The following CALD1 variants were observed in gnomAD, a reference collection of about 807,000 sequenced individuals.
The protein encoded by CALD1 is caldesmon 1.
Under a neutral mutation model 99.9 loss-of-function variants are expected in CALD1, and 33 were observed. That is an observed-to-expected ratio of 0.33 (90% CI 0.25 to 0.44). The LOEUF is 0.44. CALD1 is among the 20% of genes least tolerant of loss of function. CALD1 has a pLI of 1.00. For synonymous variants in CALD1, 310 were observed against 325.0 expected, an observed-to-expected ratio of 0.95 and a Z score of 0.50; for missense variants, 861 against 962.1, an observed-to-expected ratio of 0.89 and a Z score of 1.39.
intron 1 of CALD1, among the ~76,000 whole-genome samples, chr7:134,766,697 G>A (rs1162657651): frequency 6.6e-6 from 1 of 152,148 alleles, no homozygotes; most frequent in African/African-American, 2.4e-5. Flanking sequence ...CTGGGAGGAT[G>A]CCCATGTTTA....
At chr7:134,950,093 A>G (rs1807220842) in intron 8 of CALD1, among the ~76,000 whole-genome samples, 1 of 152,246 alleles carries the variant, frequency 6.6e-6, no homozygotes, top group Non-Finnish European at 1.5e-5. Context: ...AAAAATGAGT[A>G]CTATTGTTAT....
At chr7:134,812,865 G>A (rs940038195) in intron 1 of CALD1, among the ~76,000 whole-genome samples, 6 of 152,124 alleles carry the variant, frequency 3.9e-5, no homozygotes, top group Non-Finnish European at 5.9e-5. Flanking sequence ...GAGACAAGAC[G>A]AGACCAAGCC....
intron 3 of CALD1, among the ~76,000 whole-genome samples, chr7:134,873,165 C>T (rs1413956337): frequency 6.6e-6 from 1 of 151,428 alleles, no homozygotes; most frequent in East Asian, 1.9e-4. Context: ...ACAAGCTGGG[C>T]GACAGAGCAA....
At chr7:134,912,100 GA>G (rs935108113) in intron 3 of CALD1, among the ~76,000 whole-genome samples, 8 of 152,064 alleles carry the variant, frequency 5.3e-5, no homozygotes, top group African/African-American at 1.9e-4. Context: ...GAAGTTGAAA[GA>G]AAAAGAAAGA....
intron 9 of CALD1, among the ~76,000 whole-genome samples, chr7:134,952,066 C>T (rs528566161): frequency 3.9e-5 from 6 of 152,158 alleles, no homozygotes; most frequent in South Asian, 2.1e-4. Context: ...TTTGGGAGGC[C>T]GAGGTGGATG....
chr7:134,840,182 A>C (rs1799596487), intron 1 of CALD1, among the ~76,000 whole-genome samples: 1 of 152,232 alleles, frequency 6.6e-6, no homozygotes, highest in Admixed American at 6.5e-5. Context: ...TTTCACATTT[A>C]GATCCACAAT....
upstream of CALD1, among the ~76,000 whole-genome samples, chr7:134,777,866 C>T (rs1040268966): frequency 3.3e-5 from 5 of 152,190 alleles, no homozygotes; most frequent in Non-Finnish European, 5.9e-5. Flanking sequence ...TATGGGATGT[C>T]CCCATCAGCA....
In CALD1 at chr7:134,805,949, T is replaced by C. The variant is rs1299633917; in HGVS notation, c.-130+26200T>C. On this transcript the variant is annotated intron_variant, in intron 1 of 14. Coordinates refer to ENST00000361675, the MANE Select transcript of CALD1 (RefSeq NM_033138.4). ...CCAATTTTTGTATTTTTAGTAGAGATAGGGTTTCCCCATGTTGGCCAGGCT... is the reference window on the plus strand; with the variant it reads ...CCAATTTTTGTATTTTTAGTAGAGACAGGGTTTCCCCATGTTGGCCAGGCT... Among the ~76,000 whole-genome samples the C allele has an allele frequency of 3.3e-5, 5 of 152,060 alleles. No homozygotes were observed. The East Asian group carries it at 7.7e-4, about 23-fold the overall frequency.
intron 1 of CALD1, among the ~76,000 whole-genome samples, chr7:134,769,730 C>T (rs1012246850): frequency 4.6e-5 from 7 of 152,152 alleles, no homozygotes; most frequent in East Asian, 3.9e-4. Flanking sequence ...CTCCGCCTCC[C>T]GGGTTCAAGC....
chr7:134,795,171 A>G (rs952155680), intron 1 of CALD1, among the ~76,000 whole-genome samples: 1 of 152,148 alleles, frequency 6.6e-6, no homozygotes, highest in Non-Finnish European at 1.5e-5. Context: ...AAATTAAAGA[A>G]TGAGGAAAGA....
At chr7:134,856,567 G>T (rs1466479694) in intron 2 of CALD1, among the ~76,000 whole-genome samples, 1 of 152,128 alleles carries the variant, frequency 6.6e-6, no homozygotes, top group East Asian at 1.9e-4. Context: ...GTTTCCAAAG[G>T]CTGCGGAAAT....
intron 1 of CALD1, among the ~76,000 whole-genome samples, chr7:134,831,614 C>G (rs1412445621): frequency 6.6e-6 from 1 of 152,064 alleles, no homozygotes; most frequent in African/African-American, 2.4e-5. Context: ...CCACCGCACC[C>G]GGTCTCTGCA....
At chr7:134,782,701 C>T (rs3800702) in intron 1 of CALD1, among the ~76,000 whole-genome samples, 16,258 of 152,202 alleles carry the variant, frequency 0.11, 973 homozygotes, top group Non-Finnish European at 0.13. Flanking sequence ...GCTCCCTCTT[C>T]CCTGCAGATT....
chr7:134,861,419 G>A (rs775082556), intron 2 of CALD1, among the ~76,000 whole-genome samples: 20 of 152,188 alleles, frequency 1.3e-4, no homozygotes, highest in African/African-American at 4.8e-4. Flanking sequence ...GAGTTGCAGC[G>A]ATGGCCCAAC....
intron 1 of CALD1, among the ~76,000 whole-genome samples, chr7:134,767,619 C>G (rs1373252831): frequency 6.6e-6 from 1 of 152,204 alleles, no homozygotes; most frequent in Non-Finnish European, 1.5e-5. Context: ...CCTCACCAAA[C>G]AGTCTTGGTT....
intron 1 of CALD1, among the ~76,000 whole-genome samples, chr7:134,765,424 C>G (rs1796816994): frequency 6.6e-6 from 1 of 151,842 alleles, no homozygotes; most frequent in Non-Finnish European, 1.5e-5. Context: ...TTTTAAAACC[C>G]TAGTAAGATA....
At chr7:134,949,074 A>G (rs1807134587) in intron 8 of CALD1, among the ~76,000 whole-genome samples, 1 of 152,198 alleles carries the variant, frequency 6.6e-6, no homozygotes, top group Admixed American at 6.5e-5. Flanking sequence ...GGATTCTTCC[A>G]ATAATTTAAT....
chr7:134,797,996 C>G (rs1427683879), intron 1 of CALD1, among the ~76,000 whole-genome samples: 1 of 152,166 alleles, frequency 6.6e-6, no homozygotes, highest in Admixed American at 6.5e-5. Flanking sequence ...ATGCCCCACA[C>G]CCAGTTTCCC....
At chr7:134,854,518 A>C (rs1800215244) in intron 2 of CALD1, among the ~76,000 whole-genome samples, 1 of 152,122 alleles carries the variant, frequency 6.6e-6, no homozygotes, top group South Asian at 2.1e-4. Flanking sequence ...AATGCAGCTG[A>C]ATATGTAGGG....
Sources: gnomAD v4.1 joint callset for allele counts (sites outside exome capture counted in the v4.1 genomes callset) on GRCh38, gnomAD v4.1.1 for gene constraint, MANE v1.5 for transcripts, NCBI Gene and HGNC (gene_info 2026-07-23, HGNC 2026-07-21) for gene names.